The following MAT1A variants were observed in gnomAD, a reference collection of about 807,000 sequenced individuals.
MAT1A encodes the protein methionine adenosyltransferase 1A, also known as S-adenosylmethionine synthase isoform type-1.
In MAT1A, 19 loss-of-function variants were observed where a neutral mutation model predicts 44.0. That is an observed-to-expected ratio of 0.43 (90% CI 0.30 to 0.63). MAT1A has a LOEUF of 0.63. MAT1A is among the 30% of genes least tolerant of loss of function. The pLI is 0.12. For missense variants in MAT1A, 397 were observed against 531.0 expected, an observed-to-expected ratio of 0.75 and a Z score of 2.48; for synonymous variants, 205 against 205.6, an observed-to-expected ratio of 1.00 and a Z score of 0.03.
At chr10:80,274,453 A>G in intron 8 of MAT1A, 67 bp downstream of exon 8, 6 of 1,605,880 alleles carry the variant, frequency 3.7e-6, no homozygotes, top group Non-Finnish European at 5.1e-6. Context: ...CCTCCCTTTC[A>G]GGTGAGGTGA....
intron 5 of MAT1A, among the ~76,000 whole-genome samples, chr10:80,278,638 G>T (rs577693327): frequency 1.3e-5 from 2 of 152,344 alleles, no homozygotes; most frequent in South Asian, 2.1e-4. Context: ...GATAACACAG[G>T]AAGTCCCAAG....
At position 80,283,900 on chromosome 10, in the gene MAT1A, G is replaced by A. The variant is rs201484777; in HGVS notation, c.292+16C>T. The stretch of plus-strand genomic sequence containing the variant: ...AGAGAGCAACAGGGATTTCAGACCC[G>A]GAGGCCTGCCCTCACCCTTGGCTGA... On this transcript the variant is annotated intron_variant, in intron 3 of 8. Transcript: ENST00000372213. 37 of 1,613,576 alleles carry A rather than the reference G, an allele frequency of 2.3e-5. No individual in the cohort carries two copies. The highest frequency in any genetic ancestry group is 1.7e-4 in the African/African-American group (13 of 74,926).
chr10:80,281,585 A>G (rs1485841932), intron 3 of MAT1A, among the ~76,000 whole-genome samples: 1 of 151,958 alleles, frequency 6.6e-6, no homozygotes, highest in East Asian at 1.9e-4. Context: ...GACTGAATAC[A>G]TGGACGCCCC....
rs898878694 is a variant in MAT1A, at chr10:80,271,957, A to G, written c.*1824T>C. 3.3e-5 allele frequency: 5 copies of G among 152,170 alleles called. No homozygotes were observed. Among genetic ancestry groups the G allele is most frequent in the African/African-American group, 1.2e-4 (5 of 41,448 alleles). 9.4% of individuals were successfully genotyped at this position (152,170 alleles called of 1,614,324 possible). ...GGAAAGTATAAAATTCTGAATTTTCATGTCGAGTGTGAGCCAAGTTAGAGG... is the reference window on the plus strand; with the variant it reads ...GGAAAGTATAAAATTCTGAATTTTCGTGTCGAGTGTGAGCCAAGTTAGAGG... On this transcript the variant is annotated 3_prime_UTR_variant, in exon 9 of 9. Transcript: ENST00000372213.
intron 3 of MAT1A, 88 bp downstream of exon 3, chr10:80,283,828 C>T (rs533110691): frequency 2.0e-5 from 32 of 1,592,714 alleles, no homozygotes; most frequent in East Asian, 1.1e-4. Flanking sequence ...ATGCTCCCAT[C>T]GGGCTGAAAG....
intron 1 of MAT1A, 45 bp from the exon 2 acceptor site, chr10:80,285,634 A>G: frequency 7.7e-7 from 1 of 1,290,470 alleles, no homozygotes; most frequent in Non-Finnish European, 1.1e-6. Flanking sequence ...AATATTCGGG[A>G]TAACAAATTG....
chr10:80,286,502 G>A (rs753185212), intron 1 of MAT1A, among the ~76,000 whole-genome samples: 2 of 152,128 alleles, frequency 1.3e-5, no homozygotes, highest in African/African-American at 2.4e-5. Flanking sequence ...TCAGCCTCCC[G>A]AAAGCCAGGT....
At position 80,276,549 on chromosome 10, in the gene MAT1A, G is replaced by T; in HGVS notation, c.595C>A (p.Arg199Ser). Reference protein sequence around the residue: ...MQDNGAVIPVRIHTIVISVQH... With the variant: ...MQDNGAVIPVSIHTIVISVQH... Reference sequence around the variant, plus strand: ...ACAGAGATGACGATGGTGTGGATGCGCACAGGGATGACTGCGCCATTGTCC... The same window carrying T: ...ACAGAGATGACGATGGTGTGGATGCTCACAGGGATGACTGCGCCATTGTCC... The change falls in exon 6 of 9, where the codon CGC becomes AGC. Residue 199 changes from arginine (R) to serine (S), a missense_variant. Physicochemically the swap from Arg to Ser is moderately radical, Grantham distance 110. Transcript: ENST00000372213. The T allele has an allele frequency of 1.2e-6, 2 of 1,613,676 alleles. No individual in the cohort carries two copies. The highest frequency in any genetic ancestry group is 1.7e-6 in the Non-Finnish European group (2 of 1,180,042).
chr10:80,276,703 G>A, intron 5 of MAT1A, 109 bp from the exon 6 acceptor site: 1 of 1,000,408 alleles, frequency 1.0e-6, no homozygotes, highest in Non-Finnish European at 1.6e-6. Flanking sequence ...CAGGAGCCAA[G>A]TGGGGCCTCC....
Position 80,276,403 on chromosome 10 carries a change from A to T in MAT1A, c.741T>A (p.Ser247Arg). ...GGGGACCTCCGATGACAAACCGCCC[A>T]CTGGGCTGCAGGTGGTAGACGGTGT... Reference protein sequence around the residue: ...DEDTVYHLQPSGRFVIGGPQG... With the variant: ...DEDTVYHLQPRGRFVIGGPQG... The change falls in exon 6 of 9, where the codon AGT (serine) becomes AGA (arginine). Residue 247 changes from serine (S) to arginine (R), a missense_variant. Coordinates refer to ENST00000372213, the MANE Select transcript of MAT1A (RefSeq NM_000429.3). 6.2e-7 allele frequency: 1 copy of T among 1,614,142 alleles called. No individual in the cohort carries two copies. The highest frequency in any genetic ancestry group is 8.5e-7 in the Non-Finnish European group (1 of 1,180,042).
chr10:80,279,725 G>A lies in MAT1A; in HGVS notation c.549+448C>T, dbSNP rs114723479. 9.3e-3 allele frequency among the ~76,000 whole-genome samples: 691 copies of A among 74,424 alleles called. 7 individuals carry two copies. The highest frequency in any genetic ancestry group is 0.043 in the African/African-American group (671 of 15,482). The allele number at this position is 74,424 out of a possible 152,430, so 48.8% of individuals were successfully genotyped here. The stretch of plus-strand genomic sequence containing the variant: ...CATGAGAAACAAAGATGAGAAAAAG[G>A]GTCATGATGAGACAGACAGCACAGA... On this transcript the variant is annotated intron_variant, in intron 5 of 8. Transcript: ENST00000372213.
chr10:80,286,194 A>G (rs183049870), intron 1 of MAT1A, among the ~76,000 whole-genome samples: 2 of 152,290 alleles, frequency 1.3e-5, no homozygotes, highest in East Asian at 3.8e-4. Flanking sequence ...ATTCTTCTAA[A>G]TAAAAAATCT....
intron 5 of MAT1A, among the ~76,000 whole-genome samples, chr10:80,278,295 CCTT>C (rs1427237130): frequency 7.5e-6 from 1 of 133,626 alleles, no homozygotes; most frequent in African/African-American, 2.8e-5. Context: ...AACCTAGAAA[CCTT>C]CTATTTCATA....
rs987081828 is a variant in MAT1A, at chr10:80,273,698, C to T, written c.*83G>A. The T allele has an allele frequency of 5.2e-5, 52 of 998,134 alleles. No homozygotes were observed. The African/African-American group carries it at 5.3e-4, about 10-fold the overall frequency. The allele number at this position is 998,134 out of a possible 1,614,324, so 61.8% of individuals were successfully genotyped here. On this transcript the variant is annotated 3_prime_UTR_variant, in exon 9 of 9. Transcript: ENST00000372213. ...CCTGAGGGTTGGTGGGTGGGGAAGG[C>T]GATCAGCAGCCAGGCGTCTGGGGAA... is the stretch of plus-strand genomic sequence containing the variant.
Position 80,280,197 on chromosome 10 carries a change from C to T in MAT1A, c.525G>A (p.Trp175Ter), listed in dbSNP as rs1344335458. ...ADLRRSGLLP[W>*]LRPDSKTQVT... ...CCTGAGTCTTAGAGTCAGGCCGCAG[C>T]CAGGGGAGGAGGCCGGAGCGCCTGA... is the stretch of plus-strand genomic sequence containing the variant. The change falls in exon 5 of 9, where the codon TGG (tryptophan) becomes TGA (stop). Residue 175 changes from tryptophan (W) to a stop codon, truncating the protein, a stop_gained. Coordinates refer to ENST00000372213, the MANE Select transcript of MAT1A (RefSeq NM_000429.3). LOFTEE classifies it high-confidence loss of function. The T allele has an allele frequency of 6.8e-6, 11 of 1,614,052 alleles. No homozygotes were observed. Among genetic ancestry groups the T allele is most frequent in the East Asian group, 2.2e-5 (1 of 44,864 alleles).
chr10:80,285,595 CAA>C lies in MAT1A; in HGVS notation c.92-8_92-7del. 1 of 1,604,580 alleles carries C rather than the reference CAA, an allele frequency of 6.2e-7. No homozygotes were observed. The highest frequency in any genetic ancestry group is 8.5e-7 in the Non-Finnish European group (1 of 1,171,398). On this transcript the variant is annotated splice_polypyrimidine_tract_variant and splice_region_variant and intron_variant, in intron 1 of 8. Transcript: ENST00000372213. ...GATCTGGTCACAGATCTTATCTGGA[CAA>C]GAGCAAATATGGGTCAGAATCACAA...
At chr10:80,276,620 T>C (rs1841489502) in intron 5 of MAT1A, 26 bp from the exon 6 acceptor site, 1 of 1,602,506 alleles carries the variant, frequency 6.2e-7, no homozygotes, top group Non-Finnish European at 8.5e-7. Context: ...GTGGGGGAGA[T>C]ACTGTGAGGC....
At chr10:80,280,890 T>A in intron 3 of MAT1A, 98 bp from the exon 4 acceptor site, 1 of 885,600 alleles carries the variant, frequency 1.1e-6, no homozygotes, top group Non-Finnish European at 1.9e-6. Context: ...TGCCATTTGG[T>A]GTCAGCGTGG....
intron 1 of MAT1A, among the ~76,000 whole-genome samples, chr10:80,288,327 C>T (rs1429831731): frequency 6.6e-6 from 1 of 152,182 alleles, no homozygotes; most frequent in Non-Finnish European, 1.5e-5. Flanking sequence ...GTCAAAAATG[C>T]AAATTCTCGA....
Sources: gnomAD v4.1 joint callset for allele counts (sites outside exome capture counted in the v4.1 genomes callset) on GRCh38, gnomAD v4.1.1 for gene constraint, MANE v1.5 for transcripts, NCBI Gene and HGNC (gene_info 2026-07-23, HGNC 2026-07-21) for gene names.